The following CDH13 variants were observed in gnomAD, a reference collection of about 807,000 sequenced individuals.
CDH13 encodes the protein cadherin-13.
CDH13 carries 24 observed loss-of-function variants against 63.8 expected under a neutral mutation model. The observed-to-expected ratio is 0.38, with a 90% CI of 0.27 to 0.53. CDH13 has a LOEUF of 0.53. Ranked by LOEUF, CDH13 falls within the 20% of genes least tolerant of loss-of-function variation. CDH13 has a pLI of 0.85. For missense variants in CDH13, 1,049 were observed against 903.1 expected (o/e 1.16, Z -2.07); for synonymous variants, 503 against 355.3 (o/e 1.42, Z -4.67).
intron 3 of CDH13, among the ~76,000 whole-genome samples, chr16:83,058,961 C>G (rs1177222309): frequency 2.6e-5 from 4 of 152,238 alleles, no homozygotes; most frequent in South Asian, 2.1e-4. Flanking sequence ...CTAATCCATT[C>G]TCATTCAAAG....
At chr16:82,958,094 CAG>C (rs1433796251) in intron 2 of CDH13, among the ~76,000 whole-genome samples, 3 of 152,164 alleles carry the variant, frequency 2.0e-5, no homozygotes, top group African/African-American at 7.2e-5. Flanking sequence ...ACTAAGTACT[CAG>C]AGTCTGCTGT....
intron 7 of CDH13, among the ~76,000 whole-genome samples, chr16:83,541,022 T>C (rs2075287344): frequency 6.6e-6 from 1 of 152,162 alleles, no homozygotes; most frequent in Non-Finnish European, 1.5e-5. Flanking sequence ...GAAATTGTCT[T>C]GGGATCATCT....
chr16:82,989,322 G>T (rs1044949324), intron 2 of CDH13, among the ~76,000 whole-genome samples: 2 of 152,146 alleles, frequency 1.3e-5, no homozygotes, highest in Non-Finnish European at 2.9e-5. Flanking sequence ...TTTGCATATC[G>T]TATTACCTTT....
intron 8 of CDH13, among the ~76,000 whole-genome samples, chr16:83,603,703 A>T (rs1039779766): frequency 6.6e-6 from 1 of 152,126 alleles, no homozygotes; most frequent in South Asian, 2.1e-4. Context: ...AGACAGATGG[A>T]TCCTCTCAAC....
chr16:82,795,025 G>C (rs930737520), intron 1 of CDH13, among the ~76,000 whole-genome samples: 2 of 152,154 alleles, frequency 1.3e-5, no homozygotes, highest in African/African-American at 2.4e-5. Flanking sequence ...TTGAAGAAAT[G>C]ATACCTTCCC....
intron 6 of CDH13, among the ~76,000 whole-genome samples, chr16:83,480,057 G>T (rs987444865): frequency 6.6e-6 from 1 of 152,200 alleles, no homozygotes. Flanking sequence ...GGGCGTGATG[G>T]CTCACATCTG....
In CDH13 at chr16:83,189,398, C is replaced by T. The variant is rs537451797; in HGVS notation, c.484-27947C>T. On this transcript the variant is annotated intron_variant, in intron 4 of 13. Transcript: ENST00000567109. ...ATTACCTCCTCATGCTATTCTCAAC[C>T]TCTGGTTCTTTCTTTTTCTGATTGC... 1.8e-4 allele frequency among the ~76,000 whole-genome samples: 27 copies of T among 152,294 alleles called. No homozygotes were observed. The South Asian group carries it at 4.8e-3, about 27-fold the overall frequency.
At chr16:83,494,310 A>G (rs1187723842) in intron 7 of CDH13, among the ~76,000 whole-genome samples, 1 of 152,126 alleles carries the variant, frequency 6.6e-6, no homozygotes, top group Non-Finnish European at 1.5e-5. Context: ...AGAGCTGTTT[A>G]TTTTTCTTTA....
intron 2 of CDH13, among the ~76,000 whole-genome samples, chr16:82,993,862 C>T (rs548814034): frequency 6.6e-6 from 1 of 152,274 alleles, no homozygotes; most frequent in South Asian, 2.1e-4. Flanking sequence ...CTGCAGTGGT[C>T]ACCTGGTGCT....
intron 4 of CDH13, among the ~76,000 whole-genome samples, chr16:83,175,572 A>G (rs1274093453): frequency 1.3e-5 from 2 of 152,116 alleles, no homozygotes; most frequent in Admixed American, 1.3e-4. Flanking sequence ...GAGGGACTGA[A>G]CAAACCCCTG....
At chr16:83,508,865 C>G (rs984718959) in intron 7 of CDH13, among the ~76,000 whole-genome samples, 19 of 152,180 alleles carry the variant, frequency 1.2e-4, no homozygotes, top group Admixed American at 9.8e-4. Context: ...GTAACAGGCA[C>G]AAGGTACCGT....
At chr16:83,290,794 T>C (rs2089448082) in intron 5 of CDH13, among the ~76,000 whole-genome samples, 1 of 152,128 alleles carries the variant, frequency 6.6e-6, no homozygotes, top group South Asian at 2.1e-4. Context: ...GCACGTGCAC[T>C]TTTTTTCTTT....
At chr16:83,566,435 G>A (rs1365135372) in intron 7 of CDH13, among the ~76,000 whole-genome samples, 1 of 152,082 alleles carries the variant, frequency 6.6e-6, no homozygotes, top group Non-Finnish European at 1.5e-5. Flanking sequence ...AAATGACTGT[G>A]GGAAACCGAA....
At chr16:82,888,607 T>A (rs1003603231) in intron 2 of CDH13, among the ~76,000 whole-genome samples, 10 of 152,174 alleles carry the variant, frequency 6.6e-5, no homozygotes, top group Non-Finnish European at 1.0e-4. Context: ...TCAGAAAAGC[T>A]TGGAGGAAGA....
At chr16:83,240,671 A>T (rs8047670) in intron 5 of CDH13, among the ~76,000 whole-genome samples, 131,535 of 132,714 alleles carry the variant, frequency 0.99, 65,200 homozygotes, top group Middle Eastern at 1. Context: ...TTTTTTAAAT[A>T]GTAAAAAAAA....
At chr16:83,447,622 T>G (rs1319576582) in intron 6 of CDH13, among the ~76,000 whole-genome samples, 1 of 151,992 alleles carries the variant, frequency 6.6e-6, no homozygotes, top group Non-Finnish European at 1.5e-5. Context: ...AAGAAGCGTG[T>G]GAAAACAGGT....
chr16:83,435,400 C>A (rs187763645), intron 6 of CDH13, among the ~76,000 whole-genome samples: 61 of 152,240 alleles, frequency 4.0e-4, no homozygotes, highest in Non-Finnish European at 4.6e-4. Context: ...CCAAACACTG[C>A]AATCGTGTCA....
At chr16:82,850,451 G>A (rs2039436683) in intron 1 of CDH13, among the ~76,000 whole-genome samples, 1 of 152,212 alleles carries the variant, frequency 6.6e-6, no homozygotes, top group Admixed American at 6.5e-5. Flanking sequence ...TTATGGATGA[G>A]CTAAGAAAGT....
rs377468582 is a variant in CDH13, at chr16:83,486,598, C to T, written c.903C>T (p.Ile301=). The change falls in exon 7 of 14, where the codon ATC becomes ATT. Residue 301 remains isoleucine (I), a synonymous_variant. Coordinates refer to ENST00000567109, the MANE Select transcript of CDH13 (RefSeq NM_001257.5). ...PDKPSPNMFY[I]DPEKGDIVTV... ...AGCCATCTCCCAACATGTTCTACAT[C>T]GATCCTGAGAAAGGAGACATTGTCA... 1.2e-4 allele frequency: 196 copies of T among 1,613,822 alleles called. No homozygotes were observed. Among genetic ancestry groups the T allele is most frequent in the Non-Finnish European group, 1.6e-4 (191 of 1,179,842 alleles).
Sources: allele counts gnomAD v4.1 joint callset (sites outside exome capture counted in the v4.1 genomes callset), GRCh38; gene constraint gnomAD v4.1.1; transcripts MANE v1.5; gene names NCBI Gene and HGNC (gene_info 2026-07-23, HGNC 2026-07-21).